Variants in TPCN2 observed in about 807,000 individuals in gnomAD.
The protein encoded by TPCN2 is two pore channel protein 2.
TPCN2 carries 92 observed loss-of-function variants against 111.4 expected under a neutral mutation model. The observed-to-expected ratio is 0.83, with a 90% CI of 0.70 to 0.98. The LOEUF (loss-of-function observed/expected upper bound fraction) is 0.98. Among genes scored for constraint, TPCN2 ranks in the 50% least tolerant of loss-of-function variants. The pLI is 0.00. For synonymous variants in TPCN2, 405 were observed against 414.5 expected (o/e 0.98, Z 0.28); for missense variants, 995 against 980.1 (o/e 1.02, Z -0.20).
rs769236079 is a variant in TPCN2, at chr11:69,085,947, CT to C, written c.2003+18del. On this transcript the variant is annotated intron_variant, in intron 22 of 24. Transcript: ENST00000294309. ...CTCAGGCCCGTGAGTCCTCGTCTCCCTGACGGCAGTGATTCTCCGTGCAGCC... is the reference window on the plus strand; with the variant it reads ...CTCAGGCCCGTGAGTCCTCGTCTCCCGACGGCAGTGATTCTCCGTGCAGCC... The C allele has an allele frequency of 6.2e-7, 1 of 1,610,064 alleles. No homozygotes were observed. Among genetic ancestry groups the C allele is most frequent in the South Asian group, 1.1e-5 (1 of 90,652 alleles).
chr11:69,075,717 C>T (rs575420461), intron 13 of TPCN2, among the ~76,000 whole-genome samples: 4 of 152,306 alleles, frequency 2.6e-5, no homozygotes, highest in African/African-American at 9.6e-5. Flanking sequence ...ACTGCCTGGG[C>T]GTCAGCCTGG....
chr11:69,087,893 C>T lies in TPCN2; in HGVS notation c.2199C>T (p.Pro733=), dbSNP rs146655731. The part of the protein sequence containing the change: ...ELLFRDILEE[P]GEDELTERLS... ...TCCACAGGGATATTCTGGAGGAGCC[C>T]GGGGAGGATGAGCTCACAGAGAGGC... The change falls in exon 25 of 25, where the codon CCC becomes CCT. Residue 733 remains proline (P), a synonymous_variant. Coordinates refer to ENST00000294309, the MANE Select transcript of TPCN2 (RefSeq NM_139075.4). 6.8e-5 allele frequency: 109 copies of T among 1,612,594 alleles called. 1 individual carries two copies. The highest frequency in any genetic ancestry group is 3.7e-4 in the African/African-American group (28 of 74,938).
rs1861092331 is a variant in TPCN2, at chr11:69,049,104, C to T, written c.107C>T (p.Pro36Leu). ...ACTTACCGCAGCATCCAAGTCGGCC[C>T]TGGTGAGCCGCCCGGACCTGGGGAG... ...LTTYRSIQVG[P>L]GAAARWDLCI... is the part of the protein sequence containing the mutation. The change falls in exon 1 of 25, where the codon CCT (proline) becomes CTT (leucine). Residue 36 changes from proline to leucine, a missense_variant and splice_region_variant. Transcript: ENST00000294309. 8.1e-7 allele frequency: 1 copy of T among 1,241,264 alleles called. No homozygotes were observed. The highest frequency in any genetic ancestry group is 1.6e-5 in the African/African-American group (1 of 64,504). The allele number at this position is 1,241,264 out of a possible 1,614,324, so 76.9% of individuals were successfully genotyped here.
At position 69,089,336 on chromosome 11, in the gene TPCN2, C is replaced by G. The variant is rs2253658; in HGVS notation, c.*1383C>G. 0.28 allele frequency: 42,079 copies of G among 152,262 alleles called. 6,164 individuals are homozygous for G. The highest frequency in any genetic ancestry group is 0.46 in the South Asian group (2,196 of 4,816). The allele number at this position is 152,262 out of a possible 1,614,324, so 9.4% of individuals were successfully genotyped here. A position where few individuals can be genotyped will look rare whatever the true frequency, so the allele number is the denominator to read the frequency against. ...TAAAGAGAAGCTTCCTTCTGAGTCA[C>G]TTGAGTGGTTGCCGTTCTGGCCCTG... On this transcript the variant is annotated 3_prime_UTR_variant, in exon 25 of 25. Coordinates refer to ENST00000294309, the MANE Select transcript of TPCN2 (RefSeq NM_139075.4).
At chr11:69,084,886 C>G (rs1412758087) in intron 19 of TPCN2, 47 of 860,822 alleles carry the variant, frequency 5.5e-5, no homozygotes, top group Non-Finnish European at 6.3e-5. Context: ...TTCCACTCTG[C>G]TGACGCATGT....
intron 1 of TPCN2, among the ~76,000 whole-genome samples, chr11:69,052,954 G>A (rs1486814681): frequency 6.6e-6 from 1 of 152,234 alleles, no homozygotes; most frequent in Non-Finnish European, 1.5e-5. Context: ...GCTTCGGGTT[G>A]AGTTTTCCTT....
chr11:69,080,207 C>G (rs1010006703), intron 17 of TPCN2, among the ~76,000 whole-genome samples: 6 of 152,230 alleles, frequency 3.9e-5, no homozygotes, highest in African/African-American at 7.2e-5. Flanking sequence ...CAGAGATGCC[C>G]CTGGCTCAGG....
chr11:69,063,432 A>G (rs1474218585), intron 6 of TPCN2, among the ~76,000 whole-genome samples: 2 of 151,872 alleles, frequency 1.3e-5, no homozygotes, highest in Non-Finnish European at 1.5e-5. Flanking sequence ...TGTTGCCACT[A>G]GAAGCGTGGG....
At chr11:69,049,343 T>C (rs1339437139) in intron 1 of TPCN2, among the ~76,000 whole-genome samples, 2 of 152,154 alleles carry the variant, frequency 1.3e-5, no homozygotes, top group African/African-American at 4.8e-5. Flanking sequence ...TGTCGCGTCC[T>C]GATCCCGACC....
At chr11:69,078,659 A>G in intron 14 of TPCN2, 58 bp downstream of exon 14, 2 of 1,613,238 alleles carry the variant, frequency 1.2e-6, no homozygotes, top group South Asian at 1.1e-5. Context: ...CCCACCTTGC[A>G]GGGGAGCCTG....
rs570115033 is a variant in TPCN2, at chr11:69,064,940, T to C, written c.726+973T>C. Among the ~76,000 whole-genome samples the C allele has an allele frequency of 3.5e-5, 5 of 142,248 alleles. No individual in the cohort carries two copies. In the East Asian group the frequency reaches 8.2e-4, roughly 23 times the overall value. The allele number at this position is 142,248 out of a possible 152,430, so 93.3% of individuals were successfully genotyped here. A position where few individuals can be genotyped will look rare whatever the true frequency, so the allele number is the denominator to read the frequency against. On this transcript the variant is annotated intron_variant, in intron 7 of 24. Transcript: ENST00000294309. ...TGGTGTCTGTATGTCTGTGTGTGTGTTTGTATGTGTGCATGTGTAGTGTCT... is the reference window on the plus strand; with the variant it reads ...TGGTGTCTGTATGTCTGTGTGTGTGCTTGTATGTGTGCATGTGTAGTGTCT...
chr11:69,064,550 T>G (rs1482639499), intron 7 of TPCN2, among the ~76,000 whole-genome samples: 5 of 152,180 alleles, frequency 3.3e-5, no homozygotes, highest in African/African-American at 1.2e-4. Flanking sequence ...TGGAGGCGTC[T>G]TCCTGTCCCC....
At chr11:69,056,752 C>G (rs952240935) in intron 4 of TPCN2, among the ~76,000 whole-genome samples, 2 of 152,066 alleles carry the variant, frequency 1.3e-5, no homozygotes, top group Non-Finnish European at 2.9e-5. Context: ...AGTATGGTCT[C>G]GATCTCCTGA....
chr11:69,061,240 G>T (rs1855007934), intron 5 of TPCN2, among the ~76,000 whole-genome samples: 1 of 152,212 alleles, frequency 6.6e-6, no homozygotes, highest in African/African-American at 2.4e-5. Flanking sequence ...GGTTGCGGGG[G>T]CTGAGCCGGC....
intron 1 of TPCN2, among the ~76,000 whole-genome samples, chr11:69,050,069 C>T (rs560224810): frequency 6.6e-6 from 1 of 152,198 alleles, no homozygotes; most frequent in South Asian, 2.1e-4. Flanking sequence ...TGGTGCCCAC[C>T]CACTGGTCTG....
In TPCN2 at chr11:69,054,779, A is replaced by C; in HGVS notation, c.233A>C (p.Tyr78Ser). Reference sequence around the variant, plus strand: ...TCGATGTGGCTTTACCGACGGTATTACTCGAACGTATGCCAACGGTGAGAA... The same window carrying C: ...TCGATGTGGCTTTACCGACGGTATTCCTCGAACGTATGCCAACGGTGAGAA... ...ASSMWLYRRY[Y>S]SNVCQRTLSF... Residue 78 changes from tyrosine to serine, a missense_variant, in exon 3 of 25, where the codon TAC becomes TCC. Coordinates refer to ENST00000294309, the MANE Select transcript of TPCN2 (RefSeq NM_139075.4). 1 of 1,614,028 alleles carries C rather than the reference A, an allele frequency of 6.2e-7. No individual in the cohort carries two copies. Among genetic ancestry groups the C allele is most frequent in the Non-Finnish European group, 8.5e-7 (1 of 1,179,970 alleles).
rs958941778 is a variant in TPCN2, at chr11:69,090,233, G to A, written c.*2280G>A. ...AGCTGGGAATGATACTAATACCTCC[G>A]ATTTTAGCCCAGCACCACAGGGTAC... On this transcript the variant is annotated 3_prime_UTR_variant, in exon 25 of 25. Transcript: ENST00000294309. 7.0e-5 allele frequency: 10 copies of A among 143,808 alleles called. No homozygotes were observed. The highest frequency in any genetic ancestry group is 2.5e-4 in the African/African-American group (10 of 40,322). 8.9% of individuals were successfully genotyped at this position (143,808 alleles called of 1,614,324 possible).
At chr11:69,087,349 T>TCCTAGAGCAC in intron 24 of TPCN2, 143 bp downstream of exon 24, 3 of 694,790 alleles carry the variant, frequency 4.3e-6, no homozygotes, top group African/African-American at 1.8e-5. Flanking sequence ...TCCTGTGCTC[T>TCCTAGAGCAC]AGGAGAGCAG....
chr11:69,071,817 A>T (rs1384165916), intron 10 of TPCN2, 106 bp from the exon 11 acceptor site: 2 of 1,044,670 alleles, frequency 1.9e-6, no homozygotes, highest in East Asian at 4.8e-5. Flanking sequence ...CCCCCCCCCA[A>T]GGCTGCCCAG....
Sources: gnomAD v4.1 joint callset for allele counts (sites outside exome capture counted in the v4.1 genomes callset) on GRCh38, gnomAD v4.1.1 for gene constraint, MANE v1.5 for transcripts, NCBI Gene and HGNC (gene_info 2026-07-23, HGNC 2026-07-21) for gene names.